SLCO3A1: variants seen among roughly 807,000 people sequenced by gnomAD.
SLCO3A1 encodes the protein PGE1 transporter.
A neutral mutation model predicts 63.1 loss-of-function variants in SLCO3A1; 27 were observed. The ratio of observed to expected loss-of-function variants is 0.43; its 90% CI spans 0.32 to 0.59. SLCO3A1 has a LOEUF of 0.59. Among genes scored for constraint, SLCO3A1 ranks in the 20% least tolerant of loss-of-function variants. The pLI, the probability that SLCO3A1 is intolerant of heterozygous loss-of-function variation, is 0.09. For synonymous variants in SLCO3A1, 473 were observed against 409.9 expected, an observed-to-expected ratio of 1.15 and a Z score of -1.86; for missense variants, 773 against 945.8, an observed-to-expected ratio of 0.82 and a Z score of 2.40.
chr15:91,936,074 C>T (rs1239429429), intron 2 of SLCO3A1, among the ~76,000 whole-genome samples: 12 of 152,168 alleles, frequency 7.9e-5, no homozygotes, highest in Non-Finnish European at 4.4e-5. Context: ...GCTCCTAACC[C>T]TGACTAGCTC....
chr15:92,120,752 T>C (rs1201444305), intron 5 of SLCO3A1, 123 bp downstream of exon 5: 3 of 765,886 alleles, frequency 3.9e-6, no homozygotes, highest in South Asian at 3.5e-5. Context: ...CAACAAGATA[T>C]ATGTGGCCTC....
At position 91,954,272 on chromosome 15, in the gene SLCO3A1, C is replaced by T. The variant is rs1900094932; in HGVS notation, c.646+37814C>T. Among the ~76,000 whole-genome samples, 1 of 152,228 alleles carries T rather than the reference C, an allele frequency of 6.6e-6. No individual in the cohort carries two copies. Among genetic ancestry groups the T allele is most frequent in the Non-Finnish European group, 1.5e-5 (1 of 68,044 alleles). On this transcript the variant is annotated intron_variant, in intron 2 of 9. Coordinates refer to ENST00000318445, the MANE Select transcript of SLCO3A1 (RefSeq NM_013272.4). The surrounding 1 kb of genome is among the most constrained non-coding windows in gnomAD (Gnocchi z 4.7). ...CTGTGCGGGTGCCCCTACGTTCTCACTTGTCTCTGAGCCCTTTGTGAGTTT... is the reference window on the plus strand; with the variant it reads ...CTGTGCGGGTGCCCCTACGTTCTCATTTGTCTCTGAGCCCTTTGTGAGTTT...
At chr15:91,892,517 G>C (rs1034925866) in intron 1 of SLCO3A1, among the ~76,000 whole-genome samples, 2 of 152,206 alleles carry the variant, frequency 1.3e-5, no homozygotes, top group Admixed American at 1.3e-4. Flanking sequence ...AGCCTGGATA[G>C]TATTTTCCTG....
intron 2 of SLCO3A1, among the ~76,000 whole-genome samples, chr15:91,922,277 G>T (rs964853624): frequency 6.6e-6 from 1 of 152,168 alleles, no homozygotes; most frequent in South Asian, 2.1e-4. Flanking sequence ...GCTGGCCAGC[G>T]GAAAGGGGTT....
At chr15:92,124,917 G>C (rs1227406564) in intron 5 of SLCO3A1, among the ~76,000 whole-genome samples, 1 of 152,168 alleles carries the variant, frequency 6.6e-6, no homozygotes, top group Non-Finnish European at 1.5e-5. Flanking sequence ...CAGTGGCATG[G>C]TTGGGATGGG....
chr15:92,019,373 T>A (rs970429975), intron 2 of SLCO3A1, among the ~76,000 whole-genome samples: 7 of 152,152 alleles, frequency 4.6e-5, no homozygotes, highest in African/African-American at 1.4e-4. Context: ...TCAAATCAGG[T>A]AAAGGCAAAG....
Position 92,165,720 on chromosome 15 carries a change from G to A in SLCO3A1, c.*2585G>A, listed in dbSNP as rs1339457356. 6.1e-6 allele frequency: 6 copies of A among 985,024 alleles called. No individual in the cohort carries two copies. Among genetic ancestry groups the A allele is most frequent in the South Asian group, 4.7e-5 (1 of 21,266 alleles). The allele number at this position is 985,024 out of a possible 1,614,324, so 61.0% of individuals were successfully genotyped here. On this transcript the variant is annotated 3_prime_UTR_variant, in exon 10 of 10. Coordinates refer to ENST00000318445, the MANE Select transcript of SLCO3A1 (RefSeq NM_013272.4). ...ATTTTAATTATTCTCATATAGTACC[G>A]AACAGAAAACTCAGTCTAGTTTTAA...
In SLCO3A1 at chr15:92,053,702, T is replaced by TTG. The variant is rs1567092482; in HGVS notation, c.647-41178_647-41177insGT. On this transcript the variant is annotated intron_variant, in intron 2 of 9. Transcript: ENST00000318445. Reference sequence around the variant, plus strand: ...TTTTTTTGTTTGTTTGTTTGTTTTTTTTTTTTTTACTTCTCATGGTTAAAC... The same window carrying TTG: ...TTTTTTTGTTTGTTTGTTTGTTTTTTTGTTTTTTTTACTTCTCATGGTTAAAC... Among the ~76,000 whole-genome samples, 160 of 151,354 alleles carry TTG rather than the reference T, an allele frequency of 1.1e-3. 1 individual carries two copies. The highest frequency in any genetic ancestry group is 1.8e-3 in the Non-Finnish European group (119 of 67,784).
intron 2 of SLCO3A1, among the ~76,000 whole-genome samples, chr15:91,940,738 C>T (rs1899591172): frequency 6.6e-6 from 1 of 152,188 alleles, no homozygotes; most frequent in Admixed American, 6.5e-5. Context: ...GGGCATCCTC[C>T]ACAACCCAGA....
At position 91,863,254 on chromosome 15, in the gene SLCO3A1, G is replaced by A. The variant is rs1897089763; in HGVS notation, c.180+9166G>A. ...TAGATCCACAGAGCCACCTAGAGCT[G>A]TCCCCCTGGAACTCAGCTGGCTGTG... On this transcript the variant is annotated intron_variant, in intron 1 of 9. Coordinates refer to ENST00000318445, the MANE Select transcript of SLCO3A1 (RefSeq NM_013272.4). This position sits in a 1 kb window ranked among gnomAD's most constrained non-coding sequence, Gnocchi z 4.3. Among the ~76,000 whole-genome samples, 1 of 152,238 alleles carries A rather than the reference G, an allele frequency of 6.6e-6. No homozygotes were observed. The highest frequency in any genetic ancestry group is 2.1e-4 in the South Asian group (1 of 4,836).
intron 1 of SLCO3A1, among the ~76,000 whole-genome samples, chr15:91,857,034 G>A (rs1449465082): frequency 5.9e-5 from 5 of 85,338 alleles, no homozygotes; most frequent in Admixed American, 1.2e-4. Flanking sequence ...GGACTCGTGT[G>A]TGTGTGTGTG....
chr15:92,124,060 G>T (rs930488628), intron 5 of SLCO3A1, among the ~76,000 whole-genome samples: 2 of 152,172 alleles, frequency 1.3e-5, no homozygotes, highest in African/African-American at 4.8e-5. Context: ...GGGGCTGGCA[G>T]TGGGCGGTTA....
chr15:91,867,106 A>T (rs1398169324), intron 1 of SLCO3A1, among the ~76,000 whole-genome samples: 5 of 150,720 alleles, frequency 3.3e-5, no homozygotes, highest in Admixed American at 2.0e-4. Flanking sequence ...GGCACTGTGG[A>T]GTGCCACTCC....
Position 91,854,888 on chromosome 15 carries a change from A to G in SLCO3A1, c.180+800A>G, listed in dbSNP as rs1296445353. 6.6e-6 allele frequency among the ~76,000 whole-genome samples: 1 copy of G among 152,144 alleles called. No homozygotes were observed. The highest frequency in any genetic ancestry group is 1.5e-5 in the Non-Finnish European group (1 of 68,042). ...CTCAGAGGGCCCATGGGTGCGTAAC[A>G]TTTCAGAGGAAACAGCTTGTAATGA... On this transcript the variant is annotated intron_variant, in intron 1 of 9. Coordinates refer to ENST00000318445, the MANE Select transcript of SLCO3A1 (RefSeq NM_013272.4). The surrounding 1 kb of genome is among the most constrained non-coding windows in gnomAD (Gnocchi z 6.4).
chr15:92,011,250 T>C (rs190085720), intron 2 of SLCO3A1, among the ~76,000 whole-genome samples: 1 of 152,316 alleles, frequency 6.6e-6, no homozygotes, highest in East Asian at 1.9e-4. Context: ...TCCTCACTTA[T>C]TTCCCACATC....
chr15:92,137,027 G>C (rs887029517), intron 7 of SLCO3A1, among the ~76,000 whole-genome samples: 4 of 147,058 alleles, frequency 2.7e-5, no homozygotes, highest in African/African-American at 7.7e-5. Flanking sequence ...CATTATGCAG[G>C]TTAGTTACAT....
At chr15:92,152,968 A>G (rs1229162914) in intron 9 of SLCO3A1, among the ~76,000 whole-genome samples, 1 of 152,240 alleles carries the variant, frequency 6.6e-6, no homozygotes, top group Non-Finnish European at 1.5e-5. Flanking sequence ...GCACAAGATG[A>G]AAAACAATTT....
rs1401786644 is a variant in SLCO3A1, at chr15:91,950,509, G to A, written c.646+34051G>A. On this transcript the variant is annotated intron_variant, in intron 2 of 9. Transcript: ENST00000318445. This position sits in a 1 kb window ranked among gnomAD's most constrained non-coding sequence, Gnocchi z 4.4. ...GGGAACGTTGTGCAGTATGGCAGGCGCACCCCACATGGGTGTGTGATCCTT... is the reference window on the plus strand; with the variant it reads ...GGGAACGTTGTGCAGTATGGCAGGCACACCCCACATGGGTGTGTGATCCTT... Among the ~76,000 whole-genome samples, 5 of 152,362 alleles carry A rather than the reference G, an allele frequency of 3.3e-5. No homozygotes were observed. Among genetic ancestry groups the A allele is most frequent in the Admixed American group, 2.6e-4 (4 of 15,308 alleles).
chr15:92,073,012 G>A (rs2047234782), intron 2 of SLCO3A1, among the ~76,000 whole-genome samples: 1 of 152,050 alleles, frequency 6.6e-6, no homozygotes, highest in Non-Finnish European at 1.5e-5. Flanking sequence ...ACATTGTCAG[G>A]ACCTTGACCT....
Sources: gnomAD v4.1 joint callset for allele counts (sites outside exome capture counted in the v4.1 genomes callset) on GRCh38, gnomAD v4.1.1 for gene constraint, Gnocchi (gnomAD v3.1) non-coding constraint, MANE v1.5 for transcripts, NCBI Gene and HGNC (gene_info 2026-07-23, HGNC 2026-07-21) for gene names.